Variants in COL26A1 observed in about 807,000 individuals in gnomAD.
The protein encoded by COL26A1 is collagen alpha-1(XXVI) chain.
COL26A1 carries 41 observed loss-of-function variants against 59.3 expected under a neutral mutation model. The ratio of observed to expected loss-of-function variants is 0.69; its 90% confidence interval spans 0.54 to 0.90. The LOEUF is 0.90. Ranked by LOEUF, COL26A1 falls within the 40% of genes least tolerant of loss-of-function variation. COL26A1 has a pLI of 0.00. For missense variants in COL26A1, 612 were observed against 602.3 expected, an observed-to-expected ratio of 1.02 and a Z score of -0.17; for synonymous variants, 266 against 256.0, an observed-to-expected ratio of 1.04 and a Z score of -0.37.
intron 1 of COL26A1, among the ~76,000 whole-genome samples, chr7:101,377,887 T>A (rs1238368675): frequency 6.6e-6 from 1 of 152,180 alleles, no homozygotes; most frequent in Admixed American, 6.5e-5. Context: ...GAGGGCTCCA[T>A]CTATCCTTTT....
chr7:101,493,660 C>T (rs925640372), intron 3 of COL26A1, among the ~76,000 whole-genome samples: 2 of 151,212 alleles, frequency 1.3e-5, no homozygotes, highest in African/African-American at 4.9e-5. Flanking sequence ...CGGTAGCTCA[C>T]GCCTGTAATC....
intron 5 of COL26A1, 89 bp from the exon 6 acceptor site, chr7:101,543,909 G>A (rs58676608): frequency 0.11 from 100,334 of 903,154 alleles, 6,133 homozygotes; most frequent in African/African-American, 0.19. Context: ...CTGGGGGAAC[G>A]TAGGCTGACA....
intron 3 of COL26A1, among the ~76,000 whole-genome samples, chr7:101,519,077 A>G (rs1795087804): frequency 6.6e-6 from 1 of 152,204 alleles, no homozygotes; most frequent in Non-Finnish European, 1.5e-5. Flanking sequence ...ATTTAATCAA[A>G]CAGACCTGCC....
intron 3 of COL26A1, among the ~76,000 whole-genome samples, chr7:101,507,434 G>C (rs1794834959): frequency 6.6e-6 from 1 of 151,746 alleles, no homozygotes; most frequent in African/African-American, 2.4e-5. Flanking sequence ...TGGGTGGGGG[G>C]AGCAGGAGAC....
In COL26A1 at chr7:101,464,504, C is replaced by T. The variant is rs1029477602; in HGVS notation, c.385+16717C>T. ...CTCAGCTCACCACAACTCTGCCTCC[C>T]GGGTTCAAACGATTCTCCTGCCTCA... On this transcript the variant is annotated intron_variant, in intron 3 of 12. Transcript: ENST00000313669. Among the ~76,000 whole-genome samples the T allele has an allele frequency of 3.4e-4, 52 of 151,594 alleles. 1 individual carries two copies. The highest frequency in any genetic ancestry group is 1.9e-4 in the African/African-American group (8 of 41,232).
chr7:101,510,923 C>T (rs138700802), intron 3 of COL26A1, among the ~76,000 whole-genome samples: 13,791 of 127,444 alleles, frequency 0.11, 701 homozygotes, highest in Admixed American at 0.11. Context: ...TTTTTTGAGA[C>T]GGAGTCTCGC....
chr7:101,535,731 C>T (rs1014570169), intron 4 of COL26A1, among the ~76,000 whole-genome samples: 1 of 152,234 alleles, frequency 6.6e-6, no homozygotes, highest in Non-Finnish European at 1.5e-5. Flanking sequence ...TTGGCCAGCC[C>T]TTCCCTCTGG....
At chr7:101,414,492 T>C (rs956672450) in intron 1 of COL26A1, among the ~76,000 whole-genome samples, 7 of 151,726 alleles carry the variant, frequency 4.6e-5, no homozygotes, top group Non-Finnish European at 1.0e-4. Context: ...GGCTGGAGTG[T>C]AGTGGCACGA....
intron 12 of COL26A1, 131 bp downstream of exon 12, chr7:101,556,002 C>G (rs1217373511): frequency 4.2e-6 from 3 of 717,924 alleles, no homozygotes; most frequent in Non-Finnish European, 6.9e-6. Flanking sequence ...TCCCCCTCCC[C>G]TGCTCAAGGA....
chr7:101,431,607 T>A (rs190424116), intron 2 of COL26A1, among the ~76,000 whole-genome samples: 1 of 152,222 alleles, frequency 6.6e-6, no homozygotes, highest in African/African-American at 2.4e-5. Flanking sequence ...AGTTTTCCTC[T>A]TACTATTTTT....
rs1794588655 is a variant in COL26A1, at chr7:101,496,539, T to C, written c.386-36543T>C. On this transcript the variant is annotated intron_variant, in intron 3 of 12. Coordinates refer to ENST00000313669, the MANE Select transcript of COL26A1 (RefSeq NM_001278563.3). ...GAGGGGAAGAAGCTGTGTTCTACGC[T>C]CATCCTCTTCCTCTGTGGGGTCTTC... Among the ~76,000 whole-genome samples, 3 of 152,076 alleles carry C rather than the reference T, an allele frequency of 2.0e-5. No homozygotes were observed. In the South Asian group the frequency reaches 6.2e-4, roughly 32 times the overall value.
intron 1 of COL26A1, among the ~76,000 whole-genome samples, chr7:101,412,988 T>C (rs1376897022): frequency 6.6e-6 from 1 of 152,232 alleles, no homozygotes; most frequent in East Asian, 1.9e-4. Context: ...GAGATGGGCA[T>C]GAACCTGGGA....
At chr7:101,513,959 T>G (rs1794977507) in intron 3 of COL26A1, among the ~76,000 whole-genome samples, 1 of 152,130 alleles carries the variant, frequency 6.6e-6, no homozygotes, top group Non-Finnish European at 1.5e-5. Context: ...GAATGGGTAT[T>G]TCCCAGAGTG....
intron 1 of COL26A1, among the ~76,000 whole-genome samples, chr7:101,405,390 G>A (rs1472813637): frequency 6.6e-6 from 1 of 151,580 alleles, no homozygotes; most frequent in Non-Finnish European, 1.5e-5. Flanking sequence ...CCAGATCGCA[G>A]TGGTACAATT....
intron 3 of COL26A1, among the ~76,000 whole-genome samples, chr7:101,518,572 C>G (rs1157988175): frequency 6.6e-6 from 1 of 152,212 alleles, no homozygotes. Flanking sequence ...CAGCTGCCAG[C>G]TTTGCGGGGC....
intron 11 of COL26A1, among the ~76,000 whole-genome samples, chr7:101,555,015 G>T (rs1795936462): frequency 6.6e-6 from 1 of 152,152 alleles, no homozygotes; most frequent in Admixed American, 6.5e-5. Flanking sequence ...ACATAAGACA[G>T]ATCTGTCATG....
intron 1 of COL26A1, among the ~76,000 whole-genome samples, chr7:101,364,456 T>C (rs1790993052): frequency 6.6e-6 from 1 of 152,118 alleles, no homozygotes; most frequent in Non-Finnish European, 1.5e-5. Flanking sequence ...CTTTTGATCC[T>C]TAACAACCCT....
intron 3 of COL26A1, among the ~76,000 whole-genome samples, chr7:101,519,171 A>G (rs966458704): frequency 2.6e-5 from 4 of 152,180 alleles, no homozygotes; most frequent in Admixed American, 2.6e-4. Context: ...ACAGGTACAG[A>G]TATGGCCCCA....
chr7:101,546,102 C>T (rs1482583176), intron 7 of COL26A1, among the ~76,000 whole-genome samples: 2 of 152,148 alleles, frequency 1.3e-5, no homozygotes, highest in African/African-American at 4.8e-5. Flanking sequence ...GAGGTGGGGA[C>T]AAGGAGGTGC....
Sources: allele counts gnomAD v4.1 joint callset (sites outside exome capture counted in the v4.1 genomes callset), GRCh38; gene constraint gnomAD v4.1.1; transcripts MANE v1.5; gene names NCBI Gene and HGNC (gene_info 2026-07-23, HGNC 2026-07-21).